HARS1: variants seen among roughly 807,000 people sequenced by gnomAD.
HARS1 encodes histidyl-tRNA synthetase 1.
In HARS1, 45 loss-of-function variants were observed where a neutral mutation model predicts 63.6. The ratio of observed to expected loss-of-function variants is 0.71; its 90% CI spans 0.56 to 0.91. The LOEUF is 0.91. Among genes scored for constraint, HARS1 ranks in the 40% least tolerant of loss-of-function variants. The pLI, the probability that HARS1 is intolerant of heterozygous loss-of-function variation, is 0.00. For missense variants in HARS1, 508 were observed against 643.2 expected, an observed-to-expected ratio of 0.79 and a Z score of 2.27; for synonymous variants, 205 against 247.1, an observed-to-expected ratio of 0.83 and a Z score of 1.60.
chr5:140,685,535 C>T (rs903909888), intron 2 of HARS1, among the ~76,000 whole-genome samples: 3 of 151,782 alleles, frequency 2.0e-5, no homozygotes, highest in Non-Finnish European at 1.5e-5. Flanking sequence ...TCCTGGCCAA[C>T]ATGGTGAAAC....
rs1049831800 is a variant in HARS1 at position 140,686,074 on chromosome 5, C to T, written c.181-2855G>A. Among the ~76,000 whole-genome samples the T allele has an allele frequency of 1.3e-5, 2 of 149,916 alleles. 1 individual carries two copies. The highest frequency in any genetic ancestry group is 4.0e-4 in the East Asian group (2 of 4,998). Reference sequence around the variant, plus strand: ...CCTCCTGAGTAACTGGGACTACATACAGGCGCGTGCCACCACGCCCGGCAA... The same window carrying T: ...CCTCCTGAGTAACTGGGACTACATATAGGCGCGTGCCACCACGCCCGGCAA... On this transcript the variant is annotated intron_variant, in intron 2 of 12. Coordinates refer to ENST00000504156, the MANE Select transcript of HARS1 (RefSeq NM_002109.6).
intron 5 of HARS1, 145 bp downstream of exon 5, chr5:140,678,857 A>G: frequency 1.2e-6 from 1 of 858,326 alleles, no homozygotes; most frequent in East Asian, 2.8e-5. Flanking sequence ...AAAACAAAAA[A>G]CAAACAAAAA....
At position 140,679,032 on chromosome 5, in the gene HARS1, G is replaced by A; in HGVS notation, c.492C>T (p.Thr164=). 2 of 1,614,058 alleles carry A rather than the reference G, an allele frequency of 1.2e-6. No individual in the cohort carries two copies. Among genetic ancestry groups the A allele is most frequent in the Middle Eastern group, 1.6e-4 (1 of 6,062 alleles). The change falls in exon 5 of 13, where the codon ACC becomes ACT. Residue 164 remains threonine, a synonymous_variant. Coordinates refer to ENST00000504156, the MANE Select transcript of HARS1 (RefSeq NM_002109.6). The surrounding 1 kb of genome is among the most constrained non-coding windows in gnomAD (Gnocchi z 4.3). ...GGTAGAATTCCCGGTATCGGCCACG[G>A]GTCATGGCTGGGTTATCCCGCCGAT... is the stretch of plus-strand genomic sequence containing the variant. The part of the protein sequence containing the change: ...KVYRRDNPAM[T]RGRYREFYQC...
chr5:140,687,633 T>TAAAA (rs1023790664), intron 2 of HARS1: 22 of 152,120 alleles, frequency 1.4e-4, no homozygotes, highest in Admixed American at 3.9e-4. Flanking sequence ...ATTAATTAAT[T>TAAAA]AATTTATTTA....
chr5:140,677,733 TAGA>T lies in HARS1; in HGVS notation c.648_650del (p.Leu217del). ...CACCACAGATAGCAAACATCCCATC[TAGA>T]ATGCGTCGATCGTTTACCTGCAAGG... On this transcript the variant is annotated inframe_deletion, in exon 7 of 13. Transcript: ENST00000504156. The T allele has an allele frequency of 6.2e-7, 1 of 1,610,700 alleles. No individual in the cohort carries two copies. Among genetic ancestry groups the T allele is most frequent in the Non-Finnish European group, 8.5e-7 (1 of 1,178,452 alleles).
rs192164884 is a variant in HARS1, at chr5:140,674,350, G to A, written c.1459-22C>T. ...CCACCTGGCCAGGATGGGAGAAGAA[G>A]GTGGTATAAGCATCTTCCATTCCAC... is the stretch of plus-strand genomic sequence containing the variant. On this transcript the variant is annotated intron_variant, in intron 12 of 12. Coordinates refer to ENST00000504156, the MANE Select transcript of HARS1 (RefSeq NM_002109.6). 1,449 of 1,531,562 alleles carry A rather than the reference G, an allele frequency of 9.5e-4. 19 individuals are homozygous for A. The African/African-American group carries it at 0.017, about 18-fold the overall frequency. 94.9% of individuals were successfully genotyped at this position (1,531,562 alleles called of 1,614,324 possible).
rs1346170183 is a variant in HARS1, at chr5:140,691,351, G to C, written c.-47C>G. On this transcript the variant is annotated 5_prime_UTR_variant, in exon 1 of 13. Coordinates refer to ENST00000504156, the MANE Select transcript of HARS1 (RefSeq NM_002109.6). ...CCTGCTGTCTCGACCTGCGGTGGTT[G>C]CCCCAGCCTCAGCAAGGATGACTTC... 7.0e-7 allele frequency: 1 copy of C among 1,436,064 alleles called. No homozygotes were observed. Among genetic ancestry groups the C allele is most frequent in the African/African-American group, 1.4e-5 (1 of 71,324 alleles). The allele number at this position is 1,436,064 out of a possible 1,614,324, so 89.0% of individuals were successfully genotyped here.
intron 3 of HARS1, among the ~76,000 whole-genome samples, chr5:140,681,489 G>A (rs538464978): frequency 2.6e-4 from 39 of 152,218 alleles, no homozygotes; most frequent in Non-Finnish European, 5.1e-4. Context: ...TCAACATGGT[G>A]AAACCTCGTC....
At chr5:140,691,085 C>T (rs2149845580) in intron 1 of HARS1, 130 bp downstream of exon 1, 1 of 897,844 alleles carries the variant, frequency 1.1e-6, no homozygotes, top group Middle Eastern at 2.2e-4. Flanking sequence ...GGATGTCTCC[C>T]CACGCAGCCC....
At chr5:140,689,013 T>A (rs1277726901) in intron 2 of HARS1, among the ~76,000 whole-genome samples, 3 of 152,228 alleles carry the variant, frequency 2.0e-5, no homozygotes, top group Admixed American at 1.3e-4. Context: ...GACAGACTGA[T>A]CCATCATAAA....
At chr5:140,685,648 G>A (rs143436373) in intron 2 of HARS1, among the ~76,000 whole-genome samples, 2 of 151,290 alleles carry the variant, frequency 1.3e-5, no homozygotes, top group African/African-American at 4.9e-5. Context: ...TTGAACCCAG[G>A]AGGTGGAGGC....
At chr5:140,680,271 A>G (rs1298068723) in intron 3 of HARS1, among the ~76,000 whole-genome samples, 3 of 151,864 alleles carry the variant, frequency 2.0e-5, no homozygotes, top group African/African-American at 7.2e-5. Context: ...CTCAGCCTCC[A>G]GAGTGGCTGC....
chr5:140,683,941 T>C (rs1275814776), intron 2 of HARS1: 1 of 152,054 alleles, frequency 6.6e-6, no homozygotes, highest in African/African-American at 2.4e-5. Context: ...TGAGCCAAGA[T>C]TGCACCACTG....
At position 140,674,736 on chromosome 5, in the gene HARS1, G is replaced by C; in HGVS notation, c.1401C>G (p.Gly467=). Residue 467 remains glycine, a synonymous_variant, in exon 12 of 13, where the codon GGC becomes GGG. Transcript: ENST00000504156. ...TGACCCCATCCTTGAGTTCCTGCTC[G>C]CCGATGATAGCCACCAGTGGGATGC... is the stretch of plus-strand genomic sequence containing the variant. ...EAGIPLVAII[G]EQELKDGVIK... 1 of 1,614,118 alleles carries C rather than the reference G, an allele frequency of 6.2e-7. No individual in the cohort carries two copies. Among genetic ancestry groups the C allele is most frequent in the Non-Finnish European group, 8.5e-7 (1 of 1,180,000 alleles).
intron 7 of HARS1, 24 bp from the exon 8 acceptor site, chr5:140,677,444 G>C (rs371658011): frequency 6.4e-7 from 1 of 1,563,738 alleles, no homozygotes; most frequent in East Asian, 2.2e-5. Flanking sequence ...CACCAGTCAG[G>C]GACCCCTGGG....
At position 140,680,854 on chromosome 5, in the gene HARS1, T is replaced by C. The variant is rs921622608; in HGVS notation, c.301-971A>G. Reference sequence around the variant, plus strand: ...AAACTCTGTCTCAAAAAAAAAAAAATTCCCCATAACATTTCAATATCTAAT... The same window carrying C: ...AAACTCTGTCTCAAAAAAAAAAAAACTCCCCATAACATTTCAATATCTAAT... On this transcript the variant is annotated intron_variant, in intron 3 of 12. Transcript: ENST00000504156. Among the ~76,000 whole-genome samples the C allele has an allele frequency of 4.0e-5, 6 of 150,896 alleles. No individual in the cohort carries two copies. In the East Asian group the frequency reaches 9.8e-4, roughly 25 times the overall value.
chr5:140,678,329 T>C, intron 5 of HARS1: 1 of 385,774 alleles, frequency 2.6e-6, no homozygotes, highest in Non-Finnish European at 4.8e-6. Context: ...GGCATCAGTC[T>C]GGATGATTTG....
chr5:140,688,319 A>G (rs1452546622), intron 2 of HARS1, among the ~76,000 whole-genome samples: 1 of 152,162 alleles, frequency 6.6e-6, no homozygotes. Context: ...ATTACAGGTC[A>G]CCATTTATCC....
chr5:140,684,519 C>A lies in HARS1; in HGVS notation c.181-1300G>T, dbSNP rs185100584. The A allele has an allele frequency of 3.6e-3, 2,088 of 576,444 alleles. 7 individuals carry two copies. The highest frequency in any genetic ancestry group is 4.0e-3 in the Non-Finnish European group (1,826 of 456,750). The allele number at this position is 576,444 out of a possible 1,614,324, so 35.7% of individuals were successfully genotyped here. A position where few individuals can be genotyped will look rare whatever the true frequency, so the allele number is the denominator to read the frequency against. The stretch of plus-strand genomic sequence containing the variant: ...TAACAACTCTATGACATAGGCTAGG[C>A]AGATAAATTTTACAGATGAAGTACA... On this transcript the variant is annotated intron_variant, in intron 2 of 12. Transcript: ENST00000504156.
Sources: gnomAD v4.1 joint callset for allele counts (sites outside exome capture counted in the v4.1 genomes callset) on GRCh38, gnomAD v4.1.1 for gene constraint, Gnocchi (gnomAD v3.1) non-coding constraint, MANE v1.5 for transcripts, NCBI Gene and HGNC (gene_info 2026-07-23, HGNC 2026-07-21) for gene names.